Variants in PLCZ1 observed in about 807,000 individuals in gnomAD.
The protein encoded by PLCZ1 is 1-phosphatidylinositol 4,5-bisphosphate phosphodiesterase zeta-1.
PLCZ1 carries 64 observed loss-of-function variants against 76.8 expected under a neutral mutation model. That is an observed-to-expected ratio of 0.83 (90% CI 0.68 to 1.03). The LOEUF (loss-of-function observed/expected upper bound fraction) is 1.03, where lower values mean the gene tolerates loss of function less well. Ranked by LOEUF, PLCZ1 falls within the 50% of genes least tolerant of loss-of-function variation. The pLI is 0.00. For missense variants in PLCZ1, 751 were observed against 713.7 expected (o/e 1.05, Z -0.60); for synonymous variants, 248 against 230.8 (o/e 1.07, Z -0.68).
chr12:18,736,056 C>A, intron 3 of PLCZ1, 165 bp downstream of exon 3: 2 of 721,756 alleles, frequency 2.8e-6, no homozygotes, highest in Non-Finnish European at 2.1e-6. Context: ...ATTTTCTCAA[C>A]AACTAATTTT....
chr12:18,732,956 T>A (rs1248222277), intron 3 of PLCZ1, among the ~76,000 whole-genome samples: 1 of 152,216 alleles, frequency 6.6e-6, no homozygotes, highest in African/African-American at 2.4e-5. Flanking sequence ...TGATTTCAAT[T>A]CCTTTAGGTA....
downstream of PLCZ1, among the ~76,000 whole-genome samples, chr12:18,682,794 A>C (rs994182694): frequency 3.3e-5 from 5 of 152,046 alleles, no homozygotes; most frequent in African/African-American, 1.2e-4. Flanking sequence ...CCAGGATATG[A>C]AAAGGCTCAG....
At chr12:18,680,173 T>C (rs10161128), downstream of PLCZ1, among the ~76,000 whole-genome samples, 1,473 of 152,080 alleles carry the variant, frequency 9.7e-3, 28 homozygotes, top group African/African-American at 0.033. Flanking sequence ...CCAGTCCATA[T>C]AGTCCCCCAG....
chr12:18,733,661 T>A (rs938546088), intron 3 of PLCZ1, among the ~76,000 whole-genome samples: 2 of 152,112 alleles, frequency 1.3e-5, no homozygotes, highest in African/African-American at 4.8e-5. Flanking sequence ...AAGGTTAGAG[T>A]CCAATTTCAT....
At chr12:18,652,465 A>C in the PLCZ1 span, among the ~76,000 whole-genome samples, 1 of 152,134 alleles carries the variant, frequency 6.6e-6, no homozygotes, top group South Asian at 2.1e-4. Flanking sequence ...AAAGGAACCA[A>C]CCATTGATCT....
Position 18,694,891 on chromosome 12 carries a change from G to C in PLCZ1, c.1461+19C>G. 1.3e-6 allele frequency: 2 copies of C among 1,553,072 alleles called. No individual in the cohort carries two copies. Among genetic ancestry groups the C allele is most frequent in the Non-Finnish European group, 1.8e-6 (2 of 1,134,224 alleles). On this transcript the variant is annotated intron_variant, in intron 12 of 14. Coordinates refer to ENST00000266505, the MANE Select transcript of PLCZ1 (RefSeq NM_033123.4). ...TATATAATAACCAAAAAATGTAAAA[G>C]AAAATTTATTAATCTTACCCTTATT...
chr12:18,651,723 C>A, the PLCZ1 span, among the ~76,000 whole-genome samples: 1 of 152,164 alleles, frequency 6.6e-6, no homozygotes, highest in Non-Finnish European at 1.5e-5. Context: ...GTCAGACTCA[C>A]CACCAATGGG....
At chr12:18,684,056 G>T in intron 14 of PLCZ1, 74 bp downstream of exon 14, 1 of 1,514,812 alleles carries the variant, frequency 6.6e-7, no homozygotes, top group Non-Finnish European at 9.1e-7. Flanking sequence ...TATTTGGTAT[G>T]TCAAAATGTG....
chr12:18,736,403 C>T (rs1019133452), intron 2 of PLCZ1, 59 bp from the exon 3 acceptor site: 7 of 1,534,090 alleles, frequency 4.6e-6, no homozygotes, highest in African/African-American at 1.4e-5. Context: ...ATTTAAAATT[C>T]CTAAAGAAAC....
At chr12:18,670,951 G>C in the PLCZ1 span, among the ~76,000 whole-genome samples, 1 of 152,148 alleles carries the variant, frequency 6.6e-6, no homozygotes, top group Non-Finnish European at 1.5e-5. Context: ...GGGAGGCTGA[G>C]GCAGGCAGAT....
chr12:18,723,633 A>G, intron 3 of PLCZ1, 91 bp from the exon 4 acceptor site: 1 of 1,000,218 alleles, frequency 1.0e-6, no homozygotes, highest in Non-Finnish European at 1.5e-6. Context: ...GTAGTAATTT[A>G]TACTTGAAAG....
chr12:18,707,567 C>A (rs545342175), intron 6 of PLCZ1, among the ~76,000 whole-genome samples: 1 of 152,292 alleles, frequency 6.6e-6, no homozygotes, highest in East Asian at 1.9e-4. Flanking sequence ...TTTTAAGGCT[C>A]ACCTAAGAGT....
the PLCZ1 span, among the ~76,000 whole-genome samples, chr12:18,670,003 T>C: frequency 1.9e-4 from 29 of 152,134 alleles, no homozygotes; most frequent in African/African-American, 6.5e-4. Flanking sequence ...AATCCTATCA[T>C]AGTGGCTCAG....
At chr12:18,699,306 C>T (rs1222166932) in intron 10 of PLCZ1, among the ~76,000 whole-genome samples, 1 of 152,188 alleles carries the variant, frequency 6.6e-6, no homozygotes, top group Non-Finnish European at 1.5e-5. Context: ...TTCATCCTGT[C>T]TCCACTCTCA....
chr12:18,695,921 G>A (rs1434638842), intron 11 of PLCZ1, among the ~76,000 whole-genome samples: 4 of 151,788 alleles, frequency 2.6e-5, no homozygotes, highest in Admixed American at 6.6e-5. Context: ...AACTCCTCGT[G>A]AATTTAACCA....
At chr12:18,693,333 GAT>G (rs200099700) in intron 12 of PLCZ1, 71,095 of 1,561,378 alleles carry the variant, frequency 0.046, 1,870 homozygotes, top group Non-Finnish European at 0.054. Flanking sequence ...GACCTATGCA[GAT>G]ACTGGGGGGT....
chr12:18,662,246 A>G, the PLCZ1 span, among the ~76,000 whole-genome samples: 1 of 152,126 alleles, frequency 6.6e-6, no homozygotes, highest in East Asian at 1.9e-4. Flanking sequence ...AATAATCTGT[A>G]CATCAAACCC....
At chr12:18,666,205 G>GA in the PLCZ1 span, among the ~76,000 whole-genome samples, 7 of 151,680 alleles carry the variant, frequency 4.6e-5, no homozygotes, top group African/African-American at 7.3e-5. Context: ...ATTGCCTATA[G>GA]AAAACAAAGA....
chr12:18,683,419 T>A, intron 14 of PLCZ1, 95 bp from the exon 15 acceptor site: 1 of 1,464,194 alleles, frequency 6.8e-7, no homozygotes, highest in Non-Finnish European at 9.5e-7. Context: ...TTACTAAGCC[T>A]ACATTAAAAA....
Sources: gnomAD v4.1 joint callset for allele counts (sites outside exome capture counted in the v4.1 genomes callset) on GRCh38, gnomAD v4.1.1 for gene constraint, MANE v1.5 for transcripts, NCBI Gene and HGNC (gene_info 2026-07-23, HGNC 2026-07-21) for gene names.